ST6GALNAC3: variants seen among roughly 807,000 people sequenced by gnomAD.
ST6GALNAC3 encodes ST6 N-acetylgalactosaminide alpha-2,6-sialyltransferase 3, also known as alpha-N-acetylgalactosaminide alpha-2,6-sialyltransferase 3.
ST6GALNAC3 carries 25 observed loss-of-function variants against 32.7 expected under a neutral mutation model. The observed-to-expected ratio is 0.76, with a 90% confidence interval of 0.56 to 1.07. ST6GALNAC3 has a LOEUF of 1.07. Among genes scored for constraint, ST6GALNAC3 ranks in the 50% least tolerant of loss-of-function variants. The probability of loss-of-function intolerance (pLI) is 0.00; values close to 1 mark genes in which losing one functional copy is unlikely to be tolerated. For synonymous variants in ST6GALNAC3, 129 were observed against 133.1 expected (o/e 0.97, Z 0.21); for missense variants, 355 against 382.4 (o/e 0.93, Z 0.60).
chr1:76,602,246 T>C (rs185232851), intron 3 of ST6GALNAC3, among the ~76,000 whole-genome samples: 29 of 152,198 alleles, frequency 1.9e-4, no homozygotes, highest in Non-Finnish European at 3.8e-4. Flanking sequence ...GAATGGGGAA[T>C]GTGTCAGTGG....
intron 3 of ST6GALNAC3, among the ~76,000 whole-genome samples, chr1:76,485,365 G>A (rs938322667): frequency 2.0e-5 from 3 of 152,174 alleles, no homozygotes; most frequent in Non-Finnish European, 4.4e-5. Flanking sequence ...ACTTTTTTTG[G>A]TTGGTAGGCT....
intron 3 of ST6GALNAC3, among the ~76,000 whole-genome samples, chr1:76,531,098 C>T (rs1191475787): frequency 6.6e-6 from 1 of 152,152 alleles, no homozygotes; most frequent in Non-Finnish European, 1.5e-5. Context: ...TGGCTGTCTG[C>T]TGTCAGCTGC....
At chr1:76,207,912 C>T (rs2100561719) in intron 1 of ST6GALNAC3, among the ~76,000 whole-genome samples, 1 of 152,306 alleles carries the variant, frequency 6.6e-6, no homozygotes, top group East Asian at 1.9e-4. Context: ...ATAAAATGAT[C>T]TTAGAACCTA....
intron 1 of ST6GALNAC3, among the ~76,000 whole-genome samples, chr1:76,155,949 C>T (rs1461800523): frequency 1.3e-5 from 2 of 152,122 alleles, no homozygotes; most frequent in South Asian, 4.1e-4. Context: ...CGGGAGCCTA[C>T]CCAGGATACC....
intron 1 of ST6GALNAC3, among the ~76,000 whole-genome samples, chr1:76,138,921 G>A (rs575523646): frequency 6.6e-6 from 1 of 152,270 alleles, no homozygotes; most frequent in Non-Finnish European, 1.5e-5. Flanking sequence ...CTGGCCGGGC[G>A]CAGTGGCTCA....
chr1:76,182,982 T>C (rs1473708601), intron 1 of ST6GALNAC3, among the ~76,000 whole-genome samples: 1 of 152,144 alleles, frequency 6.6e-6, no homozygotes, highest in East Asian at 1.9e-4. Context: ...ATGTATGGTA[T>C]TGGTGTCTAT....
intron 2 of ST6GALNAC3, among the ~76,000 whole-genome samples, chr1:76,411,263 A>T (rs866739355): frequency 9.9e-5 from 15 of 152,132 alleles, no homozygotes; most frequent in Non-Finnish European, 1.8e-4. Flanking sequence ...CTGAAAGCTG[A>T]TGCTTAACTT....
intron 1 of ST6GALNAC3, among the ~76,000 whole-genome samples, chr1:76,227,878 G>A (rs1326366712): frequency 6.6e-6 from 1 of 152,198 alleles, no homozygotes; most frequent in Non-Finnish European, 1.5e-5. Flanking sequence ...GTGACTGTAT[G>A]GAAAGCTTGG....
intron 2 of ST6GALNAC3, among the ~76,000 whole-genome samples, chr1:76,402,191 G>A (rs1002503033): frequency 6.6e-6 from 1 of 152,056 alleles, no homozygotes; most frequent in South Asian, 2.1e-4. Flanking sequence ...AAACTAGAAG[G>A]CGTACTTATA....
intron 2 of ST6GALNAC3, among the ~76,000 whole-genome samples, chr1:76,315,345 G>T (rs1263198767): frequency 3.3e-5 from 5 of 152,080 alleles, no homozygotes; most frequent in Admixed American, 6.6e-5. Flanking sequence ...CCTGTCACAG[G>T]CTGAAAATGA....
intron 3 of ST6GALNAC3, among the ~76,000 whole-genome samples, chr1:76,541,608 A>C (rs896282526): frequency 6.6e-6 from 1 of 152,228 alleles, no homozygotes; most frequent in Non-Finnish European, 1.5e-5. Context: ...GTGGCTTTCA[A>C]GGGCCTTGCC....
At chr1:76,241,868 G>A (rs1468415624) in intron 1 of ST6GALNAC3, among the ~76,000 whole-genome samples, 1 of 152,074 alleles carries the variant, frequency 6.6e-6, no homozygotes, top group African/African-American at 2.4e-5. Context: ...GATTATGTGT[G>A]TGACTCACAT....
intron 1 of ST6GALNAC3, among the ~76,000 whole-genome samples, chr1:76,086,322 T>C (rs148216964): frequency 6.6e-6 from 1 of 152,314 alleles, no homozygotes; most frequent in East Asian, 1.9e-4. Flanking sequence ...ATTTAAGGAT[T>C]AGGAATGGGG....
At chr1:76,603,179 T>A (rs1187563433) in intron 3 of ST6GALNAC3, among the ~76,000 whole-genome samples, 1 of 152,170 alleles carries the variant, frequency 6.6e-6, no homozygotes, top group African/African-American at 2.4e-5. Flanking sequence ...TGGAATTACC[T>A]TGTAGTTGAA....
intron 3 of ST6GALNAC3, among the ~76,000 whole-genome samples, chr1:76,489,430 T>TTC (rs377559906): frequency 6.0e-5 from 9 of 150,982 alleles, no homozygotes; most frequent in African/African-American, 1.2e-4. Context: ...TTTAGGAGAG[T>TTC]TCTCTCTCTC....
At chr1:76,079,825 C>G (rs141062850) in intron 1 of ST6GALNAC3, among the ~76,000 whole-genome samples, 175 of 152,344 alleles carry the variant, frequency 1.1e-3, no homozygotes, top group Non-Finnish European at 1.8e-3. Flanking sequence ...ACTCCCCCTG[C>G]CTTGTTCAAC....
At chr1:76,107,011 G>T (rs993763758) in intron 1 of ST6GALNAC3, among the ~76,000 whole-genome samples, 2 of 152,168 alleles carry the variant, frequency 1.3e-5, no homozygotes, top group Non-Finnish European at 2.9e-5. Flanking sequence ...TGAGCCAGAA[G>T]GGTAATTACC....
intron 3 of ST6GALNAC3, among the ~76,000 whole-genome samples, chr1:76,443,033 T>TC (rs372877060): frequency 5.3e-5 from 8 of 152,370 alleles, no homozygotes; most frequent in African/African-American, 1.9e-4. Context: ...TCACAATTAT[T>TC]ATTCTTCAAG....
intron 2 of ST6GALNAC3, among the ~76,000 whole-genome samples, chr1:76,321,552 G>T (rs1646966900): frequency 6.6e-6 from 1 of 152,192 alleles, no homozygotes; most frequent in South Asian, 2.1e-4. Context: ...CAAATGTTCA[G>T]TAACTCATCT....
Sources: gnomAD v4.1 joint callset for allele counts (sites outside exome capture counted in the v4.1 genomes callset) on GRCh38, gnomAD v4.1.1 for gene constraint, MANE v1.5 for transcripts, NCBI Gene and HGNC (gene_info 2026-07-23, HGNC 2026-07-21) for gene names.